The following RASSF2 variants were observed in gnomAD, a reference collection of about 807,000 sequenced individuals.
RASSF2 encodes the protein ras association domain-containing protein 2.
In RASSF2, 34 loss-of-function variants were observed where a neutral mutation model predicts 46.3. The observed-to-expected ratio is 0.73, with a 90% CI of 0.56 to 0.98. The LOEUF (loss-of-function observed/expected upper bound fraction) is 0.98, where lower values mean the gene tolerates loss of function less well. Among genes scored for constraint, RASSF2 ranks in the 50% least tolerant of loss-of-function variants. The pLI is 0.00. For missense variants in RASSF2, 364 were observed against 431.2 expected (o/e 0.84, Z 1.38); for synonymous variants, 158 against 162.5 (o/e 0.97, Z 0.21).
intron 2 of RASSF2, among the ~76,000 whole-genome samples, chr20:4,804,595 T>C (rs1927188246): frequency 6.6e-6 from 1 of 152,210 alleles, no homozygotes; most frequent in African/African-American, 2.4e-5. Flanking sequence ...CGCCTCGGCC[T>C]CCCAGAGTGC....
rs1196525402 is a variant in RASSF2 at position 4,782,431 on chromosome 20, C to T, written c.*1842G>A. The T allele has an allele frequency of 3.3e-5, 5 of 152,714 alleles. No homozygotes were observed. Among genetic ancestry groups the T allele is most frequent in the Non-Finnish European group, 7.3e-5 (5 of 68,064 alleles). The allele number at this position is 152,714 out of a possible 1,614,324, so 9.5% of individuals were successfully genotyped here. On this transcript the variant is annotated 3_prime_UTR_variant, in exon 12 of 12. Coordinates refer to ENST00000379400, the MANE Select transcript of RASSF2 (RefSeq NM_014737.3). ...CCCAGCTGTAACAAAGGAAGCCTCT[C>T]CCGGTGGCTACTCTTTGTCTTCTTA...
At chr20:4,822,575 G>A (rs1391329134) in intron 1 of RASSF2, among the ~76,000 whole-genome samples, 172 bp from the exon 2 acceptor site, 1 of 152,224 alleles carries the variant, frequency 6.6e-6, no homozygotes, top group African/African-American at 2.4e-5. Flanking sequence ...AGAGCTCTCC[G>A]ACTTAGAGCT....
intron 2 of RASSF2, among the ~76,000 whole-genome samples, chr20:4,821,590 G>A (rs559538655): frequency 6.6e-6 from 1 of 152,288 alleles, no homozygotes; most frequent in South Asian, 2.1e-4. Context: ...CTTACCATAT[G>A]TCTCCCTGAT....
intron 2 of RASSF2, among the ~76,000 whole-genome samples, chr20:4,820,411 TGAGGTGG>T (rs1330293778): frequency 6.6e-6 from 1 of 151,998 alleles, no homozygotes; most frequent in Non-Finnish European, 1.5e-5. Flanking sequence ...CTCAAGAGGC[TGAGGTGG>T]GAGGATCGCT....
At chr20:4,814,179 C>T (rs1928085642) in intron 2 of RASSF2, among the ~76,000 whole-genome samples, 1 of 152,160 alleles carries the variant, frequency 6.6e-6, no homozygotes, top group African/African-American at 2.4e-5. Context: ...AGGGAGGCCA[C>T]CCTGCAGGGA....
Position 4,790,474 on chromosome 20 carries a change from T to C in RASSF2, c.514A>G (p.Asn172Asp). 2.0e-6 allele frequency: 3 copies of C among 1,495,400 alleles called. No individual in the cohort carries two copies. Among genetic ancestry groups the C allele is most frequent in the Non-Finnish European group, 1.8e-6 (2 of 1,125,698 alleles). The allele number at this position is 1,495,400 out of a possible 1,614,324, so 92.6% of individuals were successfully genotyped here. A position where few individuals can be genotyped will look rare whatever the true frequency, so the allele number is the denominator to read the frequency against. The change falls in exon 7 of 12, where the codon AAC (asparagine) becomes GAC (aspartate). Residue 172 changes from asparagine (N) to aspartate (D), a missense_variant. By Grantham distance (23) the Asn-to-Asp change is conservative (BLOSUM62 1). Transcript: ENST00000379400. This position sits in a 1 kb window ranked among gnomAD's most constrained non-coding sequence, Gnocchi z 4.3. ...ACCTTATGGTTGTAGAAATGGCCGTTGATGGAGAAGCGGTGGCGTCTGATT... is the reference window on the plus strand; with the variant it reads ...ACCTTATGGTTGTAGAAATGGCCGTCGATGGAGAAGCGGTGGCGTCTGATT... ...RRIRRHRFSI[N>D]GHFYNHKTSV... is the part of the protein sequence containing the mutation.
chr20:4,803,151 C>A (rs1031649451), intron 2 of RASSF2, among the ~76,000 whole-genome samples: 1 of 151,882 alleles, frequency 6.6e-6, no homozygotes, highest in African/African-American at 2.4e-5. Context: ...ACTCAAGCAA[C>A]CTGCTTGCCT....
intron 5 of RASSF2, among the ~76,000 whole-genome samples, chr20:4,794,672 G>T (rs951956487): frequency 6.6e-6 from 1 of 152,130 alleles, no homozygotes; most frequent in African/African-American, 2.4e-5. Flanking sequence ...TTAAGCCACC[G>T]CACTCCAGCC....
intron 2 of RASSF2, among the ~76,000 whole-genome samples, chr20:4,806,444 A>C (rs1003057577): frequency 9.2e-5 from 14 of 151,868 alleles, no homozygotes; most frequent in Non-Finnish European, 5.9e-5. Context: ...TCTTCCTCCC[A>C]TTCTTGGTTC....
intron 11 of RASSF2, among the ~76,000 whole-genome samples, chr20:4,784,827 T>C (rs1925163433): frequency 6.6e-6 from 1 of 152,062 alleles, no homozygotes; most frequent in Non-Finnish European, 1.5e-5. Flanking sequence ...AGAACCTGCA[T>C]TTTGCAGAAG....
rs1925019933 is a variant in RASSF2, at chr20:4,783,518, A to G, written c.*755T>C. ...AAGGTAGCCATGGAGGCAGAGATGG[A>G]GGCAGAATCCACTCTTCACAGGTTT... is the stretch of plus-strand genomic sequence containing the variant. On this transcript the variant is annotated 3_prime_UTR_variant, in exon 12 of 12. Coordinates refer to ENST00000379400, the MANE Select transcript of RASSF2 (RefSeq NM_014737.3). The G allele has an allele frequency of 6.5e-6, 1 of 152,682 alleles. No individual in the cohort carries two copies. Among genetic ancestry groups the G allele is most frequent in the Admixed American group, 6.5e-5 (1 of 15,290 alleles). The allele number at this position is 152,682 out of a possible 1,614,324, so 9.5% of individuals were successfully genotyped here. A position where few individuals can be genotyped will look rare whatever the true frequency, so the allele number is the denominator to read the frequency against.
chr20:4,804,388 A>G (rs1182297492), intron 2 of RASSF2, among the ~76,000 whole-genome samples: 1 of 121,612 alleles, frequency 8.2e-6, no homozygotes, highest in African/African-American at 3.2e-5. Context: ...CCCAGGCTGG[A>G]ATGCAGTGGT....
chr20:4,790,414 A>C lies in RASSF2; in HGVS notation c.537+37T>G. Reference sequence around the variant, plus strand: ...CCTGAGGTGGCATCTACCCAGGAAGAGGTCTTCCACCCTCCCCGTCCCCCT... The same window carrying C: ...CCTGAGGTGGCATCTACCCAGGAAGCGGTCTTCCACCCTCCCCGTCCCCCT... On this transcript the variant is annotated intron_variant, in intron 7 of 11. Transcript: ENST00000379400. This position sits in a 1 kb window ranked among gnomAD's most constrained non-coding sequence, Gnocchi z 4.3. 1.4e-6 allele frequency: 2 copies of C among 1,419,624 alleles called. No homozygotes were observed. The highest frequency in any genetic ancestry group is 1.8e-6 in the Non-Finnish European group (2 of 1,084,338). 87.9% of individuals were successfully genotyped at this position (1,419,624 alleles called of 1,614,324 possible).
rs185675683 is a variant in RASSF2 at position 4,801,010 on chromosome 20, C to T, written c.21G>A (p.Thr7=). 2.4e-5 allele frequency: 38 copies of T among 1,613,842 alleles called. No individual in the cohort carries two copies. The highest frequency in any genetic ancestry group is 2.0e-4 in the East Asian group (9 of 44,892). The change falls in exon 3 of 12, where the codon ACG becomes ACA. Residue 7 remains threonine (T), a synonymous_variant. Transcript: ENST00000379400. ...TATCTTGTCCACATGGGACTAGGGA[C>T]GTTTGGTGGCTGTAGTCCATTCTTC... MDYSHQ[T]SLVPCGQDKY...
chr20:4,800,512 C>A (rs1374815119), intron 3 of RASSF2, among the ~76,000 whole-genome samples: 1 of 152,208 alleles, frequency 6.6e-6, no homozygotes, highest in Non-Finnish European at 1.5e-5. Context: ...CGTCCTCACA[C>A]CGCGGAGGAA....
intron 5 of RASSF2, among the ~76,000 whole-genome samples, chr20:4,793,646 T>A (rs553864626): frequency 3.7e-4 from 57 of 152,096 alleles, no homozygotes; most frequent in African/African-American, 1.1e-3. Flanking sequence ...ATTTTTTTTT[T>A]TTATTTTATT....
chr20:4,820,484 T>A (rs1299738447), intron 2 of RASSF2, among the ~76,000 whole-genome samples: 1 of 152,050 alleles, frequency 6.6e-6, no homozygotes, highest in Non-Finnish European at 1.5e-5. Flanking sequence ...CACTCCAGCC[T>A]GGGCGACAGA....
At chr20:4,817,291 A>G (rs1928393815) in intron 2 of RASSF2, among the ~76,000 whole-genome samples, 1 of 152,166 alleles carries the variant, frequency 6.6e-6, no homozygotes, top group South Asian at 2.1e-4. Flanking sequence ...ACATCCCCAT[A>G]CACATACTTT....
rs8123144 is a variant in RASSF2, at chr20:4,821,338, G to A, written c.-33+991C>T. On this transcript the variant is annotated intron_variant, in intron 2 of 11. Transcript: ENST00000379400. Reference sequence around the variant, plus strand: ...AGCACTAGGGACAGAGTGAGGCCACGCTCAGGGAAGTGGGGATGATGTGGC... The same window carrying A: ...AGCACTAGGGACAGAGTGAGGCCACACTCAGGGAAGTGGGGATGATGTGGC... 7.8e-3 allele frequency among the ~76,000 whole-genome samples: 1,193 copies of A among 152,174 alleles called. 17 individuals are homozygous for A. Among genetic ancestry groups the A allele is most frequent in the African/African-American group, 0.025 (1,035 of 41,512 alleles).
Sources: gnomAD v4.1 joint callset for allele counts (sites outside exome capture counted in the v4.1 genomes callset) on GRCh38, gnomAD v4.1.1 for gene constraint, Gnocchi (gnomAD v3.1) non-coding constraint, MANE v1.5 for transcripts, NCBI Gene and HGNC (gene_info 2026-07-23, HGNC 2026-07-21) for gene names.